The following MACF1 variants were observed in gnomAD, a reference collection of about 807,000 sequenced individuals.
MACF1 encodes microtubule-actin cross-linking factor 1.
MACF1 carries 193 observed loss-of-function variants against 854.8 expected under a neutral mutation model. The ratio of observed to expected loss-of-function variants is 0.23; its 90% CI spans 0.20 to 0.25. The LOEUF is 0.25. Among genes scored for constraint, MACF1 ranks in the 10% least tolerant of loss-of-function variants. MACF1 has a pLI of 1.00. For synonymous variants in MACF1, 3,185 were observed against 3,226.7 expected (o/e 0.99, Z 0.44); for missense variants, 7,722 against 8,929.1 (o/e 0.86, Z 5.45).
rs781540553 is a variant in MACF1, at chr1:39,469,533, ATTT to A, written c.21890-10_21890-8del. The A allele has an allele frequency of 1.0e-5, 16 of 1,543,572 alleles. No homozygotes were observed. The highest frequency in any genetic ancestry group is 1.4e-5 in the Non-Finnish European group (16 of 1,140,892). On this transcript the variant is annotated splice_polypyrimidine_tract_variant and intron_variant, in intron 96 of 100. Transcript: ENST00000564288. ...CCTGTCTGTTTCTTTCTGTTTACGTATTTTTTATTCTAGTTCACCATCCTGGGA... is the reference window on the plus strand; with the variant it reads ...CCTGTCTGTTTCTTTCTGTTTACGTATTTATTCTAGTTCACCATCCTGGGA...
At chr1:39,381,471 A>G (rs1461177755) in intron 55 of MACF1, among the ~76,000 whole-genome samples, 2 of 150,988 alleles carry the variant, frequency 1.3e-5, no homozygotes, top group Non-Finnish European at 2.9e-5. Flanking sequence ...GGCTCAAGCA[A>G]TCTTCCTGCT....
intron 29 of MACF1, 101 bp downstream of exon 29, chr1:39,317,508 G>T (rs1434601309): frequency 7.8e-7 from 1 of 1,274,020 alleles, no homozygotes; most frequent in Non-Finnish European, 1.1e-6. Context: ...AGGTGGAAAT[G>T]GATAGGGAGG....
At chr1:39,257,341 C>T (rs539802661) in intron 5 of MACF1, among the ~76,000 whole-genome samples, 6 of 151,770 alleles carry the variant, frequency 4.0e-5, no homozygotes, top group Admixed American at 6.6e-5. Flanking sequence ...CTCACTCTGT[C>T]GCCCAGGCTG....
intron 99 of MACF1, among the ~76,000 whole-genome samples, chr1:39,481,963 A>C (rs1007152296): frequency 6.6e-6 from 1 of 152,210 alleles, no homozygotes; most frequent in Non-Finnish European, 1.5e-5. Flanking sequence ...ACCTACTGCC[A>C]CTAAACTACT....
At chr1:39,177,767 C>A (rs1278794866) in intron 2 of MACF1, among the ~76,000 whole-genome samples, 2 of 151,994 alleles carry the variant, frequency 1.3e-5, no homozygotes, top group Non-Finnish European at 2.9e-5. Context: ...CCATCTATAC[C>A]AGAAGCTGTG....
intron 23 of MACF1, 113 bp downstream of exon 23, chr1:39,303,191 C>T (rs1646085223): frequency 2.4e-6 from 3 of 1,239,370 alleles, no homozygotes; most frequent in African/African-American, 3.0e-5. Context: ...TAAAGTTCCT[C>T]CTGGGAGAGG....
chr1:39,269,495 G>GC (rs761435196), intron 6 of MACF1: 17 of 1,289,378 alleles, frequency 1.3e-5, no homozygotes, highest in South Asian at 4.9e-5. Flanking sequence ...TGGGTCAAGT[G>GC]CCCCCCCAGG....
chr1:39,295,465 G>A (rs923141651), intron 19 of MACF1, among the ~76,000 whole-genome samples: 4 of 152,286 alleles, frequency 2.6e-5, no homozygotes, highest in Middle Eastern at 6.8e-3. Context: ...TTGTTGGTGT[G>A]GTGCCTTTGC....
At chr1:39,193,927 T>C (rs572194689) in intron 2 of MACF1, among the ~76,000 whole-genome samples, 1 of 152,168 alleles carries the variant, frequency 6.6e-6, no homozygotes, top group South Asian at 2.1e-4. Flanking sequence ...CACTGCAACC[T>C]CCACTTCCTG....
chr1:39,224,277 G>A (rs1644687655), intron 1 of MACF1, among the ~76,000 whole-genome samples: 1 of 151,814 alleles, frequency 6.6e-6, no homozygotes, highest in South Asian at 2.1e-4. Flanking sequence ...TGGACTCTTG[G>A]GTCCTTGGAC....
intron 6 of MACF1, among the ~76,000 whole-genome samples, chr1:39,258,932 A>G: frequency 6.6e-6 from 1 of 152,198 alleles, no homozygotes; most frequent in African/African-American, 2.4e-5. Flanking sequence ...TTTGGAAGCA[A>G]TGCTGGCAGT....
At chr1:39,455,589 T>A (rs1442274767) in intron 89 of MACF1, among the ~76,000 whole-genome samples, 1 of 152,190 alleles carries the variant, frequency 6.6e-6, no homozygotes, top group Non-Finnish European at 1.5e-5. Context: ...TTCCATCATT[T>A]GCCCACACTC....
At position 39,422,732 on chromosome 1, in the gene MACF1, C is replaced by T. The variant is rs375250102; in HGVS notation, c.15981C>T (p.Val5327=). The T allele has an allele frequency of 1.4e-4, 219 of 1,613,658 alleles. No individual in the cohort carries two copies. Among genetic ancestry groups the T allele is most frequent in the Non-Finnish European group, 1.7e-4 (195 of 1,179,718 alleles). Residue 5327 remains valine, a splice_region_variant and synonymous_variant, in exon 60 of 101, where the codon GTC becomes GTT. Coordinates refer to ENST00000564288, the MANE Select transcript of MACF1 (RefSeq NM_001394062.1). ...NARWNTLNKK[V]AQRIAQLQEA... ...GAACCTACATGTTCATGATACAGGT[C>T]GCACAAAGAATTGCACAGCTACAGG...
chr1:39,173,621 A>G (rs1643983058), intron 2 of MACF1, among the ~76,000 whole-genome samples: 1 of 152,160 alleles, frequency 6.6e-6, no homozygotes. Flanking sequence ...CAGGGAGGGA[A>G]GAGGGTTAGA....
rs184758079 is a variant in MACF1 at position 39,229,852 on chromosome 1, C to T, written c.110-1330C>T. On this transcript the variant is annotated intron_variant, in intron 1 of 100. Transcript: ENST00000564288. Reference sequence around the variant, plus strand: ...CCCAGGTTCAAGTGATCCTCCCACCCTCCCACCTCAGCCTCTTGAGTAGCT... The same window carrying T: ...CCCAGGTTCAAGTGATCCTCCCACCTTCCCACCTCAGCCTCTTGAGTAGCT... Among the ~76,000 whole-genome samples the T allele has an allele frequency of 5.8e-3, 876 of 152,276 alleles. 2 individuals are homozygous for T. The highest frequency in any genetic ancestry group is 9.5e-3 in the Non-Finnish European group (649 of 68,014).
chr1:39,394,687 T>C (rs1642203658), intron 58 of MACF1, among the ~76,000 whole-genome samples: 1 of 152,220 alleles, frequency 6.6e-6, no homozygotes, highest in Admixed American at 6.5e-5. Context: ...ACTGCCAGTT[T>C]ACTCCTTCCT....
rs754781131 is a variant in MACF1, at chr1:39,413,764, G to A, written c.15817-8610G>A. Reference sequence around the variant, plus strand: ...CGCAGCTGTTGCAGTGCCCACCCCCGAGGAATCTGCCTCCCCAGCTGCTGC... The same window carrying A: ...CGCAGCTGTTGCAGTGCCCACCCCCAAGGAATCTGCCTCCCCAGCTGCTGC... On this transcript the variant is annotated intron_variant, in intron 58 of 100. Coordinates refer to ENST00000564288, the MANE Select transcript of MACF1 (RefSeq NM_001394062.1). 1.9e-5 allele frequency: 30 copies of A among 1,609,980 alleles called. 1 individual carries two copies. The South Asian group carries it at 1.9e-4, about 10-fold the overall frequency.
At chr1:39,234,825 ACGGGGTCGCGGCTGGG>A (rs1644838573) in intron 2 of MACF1, among the ~76,000 whole-genome samples, 1 of 40,618 alleles carries the variant, frequency 2.5e-5, no homozygotes, top group Admixed American at 3.3e-4. Flanking sequence ...CACCTCCCAG[ACGGGGTCGCGGCTGGG>A]CAGAGGTGCT....
chr1:39,352,976 C>T (rs751798279), intron 43 of MACF1, 31 bp from the exon 44 acceptor site: 3 of 1,540,064 alleles, frequency 1.9e-6, no homozygotes, highest in African/African-American at 1.4e-5. Flanking sequence ...TATGTAAAGC[C>T]TTCTCACTAG....
Sources: gnomAD v4.1 joint callset for allele counts (sites outside exome capture counted in the v4.1 genomes callset) on GRCh38, gnomAD v4.1.1 for gene constraint, MANE v1.5 for transcripts, NCBI Gene and HGNC (gene_info 2026-07-23, HGNC 2026-07-21) for gene names.